Variants in PTK2 observed in about 807,000 individuals in gnomAD.
PTK2 encodes protein tyrosine kinase 2.
PTK2 carries 45 observed loss-of-function variants against 150.1 expected under a neutral mutation model. That is an observed-to-expected ratio of 0.30 (90% CI 0.24 to 0.38). The LOEUF is 0.38. PTK2 is among the 10% of genes least tolerant of loss of function. The pLI is 1.00. For missense variants in PTK2, 919 were observed against 1,307.3 expected, an observed-to-expected ratio of 0.70 and a Z score of 4.58; for synonymous variants, 432 against 449.2, an observed-to-expected ratio of 0.96 and a Z score of 0.48.
intron 17 of PTK2, among the ~76,000 whole-genome samples, chr8:140,751,543 G>A (rs2154519958): frequency 6.6e-6 from 1 of 151,794 alleles, no homozygotes; most frequent in South Asian, 2.1e-4. Flanking sequence ...CCAGGCTGAA[G>A]TGCAGTGTTG....
rs1453133637 is a variant in PTK2, at chr8:140,949,767, C to A, written c.-121-24018G>T. 2.0e-5 allele frequency among the ~76,000 whole-genome samples: 3 copies of A among 152,126 alleles called. No homozygotes were observed. The East Asian group carries it at 5.8e-4, about 29-fold the overall frequency. ...ATGGCTTGTTGATGGTGGGAGAAGG[C>A]AGAAAGGCTCCTGGATAGAAAGGGG... On this transcript the variant is annotated intron_variant, in intron 1 of 31. Coordinates refer to ENST00000522684, the Ensembl canonical transcript of PTK2.
rs1334314373 is a variant in PTK2 at position 140,762,406 on chromosome 8, G to C, written c.1235-1144C>G. 2 of 1,132,976 alleles carry C rather than the reference G, an allele frequency of 1.8e-6. No homozygotes were observed. The highest frequency in any genetic ancestry group is 2.2e-6 in the Non-Finnish European group (2 of 911,882). The allele number at this position is 1,132,976 out of a possible 1,614,324, so 70.2% of individuals were successfully genotyped here. A position where few individuals can be genotyped will look rare whatever the true frequency, so the allele number is the denominator to read the frequency against. The stretch of plus-strand genomic sequence containing the variant: ...ATAGCTTTCTGTATTGCAATTAAGA[G>C]AGAAAAAAATTGAAGACCTTGCTTA... On this transcript the variant is annotated intron_variant, in intron 15 of 31. Transcript: ENST00000522684.
rs1227284875 is a variant in PTK2 at position 140,668,179 on chromosome 8, C to CG, written c.2865+89dup. The stretch of plus-strand genomic sequence containing the variant: ...AGCATCAGTTCTGACTTTGGTGGGG[C>CG]GGGGGGACCTAGAGACATCTATCAA... On this transcript the variant is annotated intron_variant, in intron 30 of 31. Coordinates refer to ENST00000522684, the Ensembl canonical transcript of PTK2. The CG allele has an allele frequency of 6.8e-6, 10 of 1,465,960 alleles. No homozygotes were observed. The African/African-American group carries it at 6.9e-5, about 10-fold the overall frequency. 90.8% of individuals were successfully genotyped at this position (1,465,960 alleles called of 1,614,324 possible).
At chr8:140,829,519 T>C (rs1287250616) in intron 8 of PTK2, among the ~76,000 whole-genome samples, 2 of 152,220 alleles carry the variant, frequency 1.3e-5, no homozygotes, top group Non-Finnish European at 2.9e-5. Flanking sequence ...TAGAAATGGA[T>C]TTTATCCCCA....
chr8:140,911,308 C>G (rs958084094), intron 2 of PTK2, among the ~76,000 whole-genome samples: 1 of 152,130 alleles, frequency 6.6e-6, no homozygotes, highest in Non-Finnish European at 1.5e-5. Flanking sequence ...TTTCCACATA[C>G]AACTGTTAAC....
intron 26 of PTK2, among the ~76,000 whole-genome samples, chr8:140,690,837 A>G (rs1026797281): frequency 3.3e-5 from 5 of 152,212 alleles, no homozygotes; most frequent in Non-Finnish European, 7.3e-5. Flanking sequence ...ATCATAAAAT[A>G]GACAATGGTA....
At chr8:140,714,814 A>G (rs917093887) in intron 23 of PTK2, among the ~76,000 whole-genome samples, 3 of 150,896 alleles carry the variant, frequency 2.0e-5, no homozygotes, top group African/African-American at 7.3e-5. Flanking sequence ...AAAAAAAAAA[A>G]AAAAAAAATC....
At chr8:140,659,586 C>A in exon 32 of PTK2, 1 of 1,614,122 alleles carries the variant, frequency 6.2e-7, no homozygotes, top group Non-Finnish European at 8.5e-7. Flanking sequence ...TGTACTCTTG[C>A]TGGAGGCTGG....
intron 17 of PTK2, among the ~76,000 whole-genome samples, chr8:140,749,271 T>C (rs530055028): frequency 1.3e-5 from 2 of 152,390 alleles, no homozygotes; most frequent in South Asian, 4.1e-4. Flanking sequence ...ATGATATTTT[T>C]GGATAAACAC....
chr8:140,833,068 C>A (rs2100116473), intron 7 of PTK2: 1 of 518,634 alleles, frequency 1.9e-6, no homozygotes. Flanking sequence ...TAAAGATAAA[C>A]CAAAAGTGTT....
rs973024376 is a variant in PTK2, at chr8:140,789,599, G to T, written c.1125-73C>A. 1.3e-4 allele frequency: 194 copies of T among 1,479,592 alleles called. 2 individuals carry two copies. Among genetic ancestry groups the T allele is most frequent in the Non-Finnish European group, 1.7e-4 (186 of 1,078,228 alleles). The allele number at this position is 1,479,592 out of a possible 1,614,324, so 91.7% of individuals were successfully genotyped here. On this transcript the variant is annotated intron_variant, in intron 13 of 31. Transcript: ENST00000522684. Reference sequence around the variant, plus strand: ...CCCCGCAACTCGGCCTCATCAAGTGGGGAACTGCCTTGGATGAGGAAGACA... The same window carrying T: ...CCCCGCAACTCGGCCTCATCAAGTGTGGAACTGCCTTGGATGAGGAAGACA...
At chr8:140,838,922 T>C (rs543964037) in intron 7 of PTK2, among the ~76,000 whole-genome samples, 1 of 150,592 alleles carries the variant, frequency 6.6e-6, no homozygotes, top group African/African-American at 2.4e-5. Context: ...AGGAGAATGG[T>C]GTGAACCCAG....
At chr8:140,997,231 G>A (rs2100198138) in intron 1 of PTK2, among the ~76,000 whole-genome samples, 1 of 152,244 alleles carries the variant, frequency 6.6e-6, no homozygotes, top group Non-Finnish European at 1.5e-5. Context: ...CGGATAAGGA[G>A]TTCCTTCTTA....
At position 140,922,584 on chromosome 8, in the gene PTK2, A is replaced by G. The variant is rs116719335; in HGVS notation, c.-33+3077T>C. The stretch of plus-strand genomic sequence containing the variant: ...GAGCCATCGACTAATGGACTGTACA[A>G]ATAATCCAAGCACACTGAGTCCATC... On this transcript the variant is annotated intron_variant, in intron 2 of 31. Transcript: ENST00000522684. Among the ~76,000 whole-genome samples, 300 of 152,298 alleles carry G rather than the reference A, an allele frequency of 2.0e-3. 2 individuals are homozygous for G. The highest frequency in any genetic ancestry group is 7.0e-3 in the African/African-American group (289 of 41,558).
At chr8:140,865,027 C>G (rs1438004728) in intron 4 of PTK2, among the ~76,000 whole-genome samples, 1 of 152,156 alleles carries the variant, frequency 6.6e-6, no homozygotes, top group Non-Finnish European at 1.5e-5. Context: ...AAACTCCCAC[C>G]AACAGCATGG....
chr8:140,808,326 T>TGAG (rs200600642), intron 10 of PTK2, among the ~76,000 whole-genome samples: 4,363 of 152,086 alleles, frequency 0.029, 224 homozygotes, highest in African/African-American at 0.1. Context: ...GCAGAACAAA[T>TGAG]GAGGAGGAGG....
At chr8:140,929,167 A>G (rs13262831) in intron 1 of PTK2, among the ~76,000 whole-genome samples, 62,054 of 149,282 alleles carry the variant, frequency 0.42, 14,818 homozygotes, top group Non-Finnish European at 0.55. Flanking sequence ...GGGTTTCACC[A>G]TTTTAGCCGG....
chr8:140,733,362 G>C (rs2154381014), intron 22 of PTK2, among the ~76,000 whole-genome samples: 1 of 152,306 alleles, frequency 6.6e-6, no homozygotes, highest in East Asian at 1.9e-4. Flanking sequence ...ACAGAGGTAA[G>C]CAGCAAAGCC....
At chr8:140,837,178 C>A (rs1290896796) in intron 7 of PTK2, among the ~76,000 whole-genome samples, 1 of 152,212 alleles carries the variant, frequency 6.6e-6, no homozygotes, top group Admixed American at 6.5e-5. Flanking sequence ...CTGTTTTGCA[C>A]TCCAGTTGTT....
Sources: allele counts gnomAD v4.1 joint callset (sites outside exome capture counted in the v4.1 genomes callset), GRCh38; gene constraint gnomAD v4.1.1; transcripts MANE v1.5; gene names NCBI Gene and HGNC (gene_info 2026-07-23, HGNC 2026-07-21).